The following SAMD5 variants were observed in gnomAD, a reference collection of about 807,000 sequenced individuals.
The protein encoded by SAMD5 is sterile alpha motif domain-containing protein 5.
A neutral mutation model predicts 11.3 loss-of-function variants in SAMD5; 13 were observed. The ratio of observed to expected loss-of-function variants is 1.15; its 90% CI spans 0.75 to 1.83. The LOEUF (loss-of-function observed/expected upper bound fraction) is 1.83. Among genes scored for constraint, SAMD5 ranks in the 40% most tolerant of loss-of-function variants. SAMD5 has a pLI of 0.00. For missense variants in SAMD5, 255 were observed against 239.1 expected, an observed-to-expected ratio of 1.07 and a Z score of -0.44; for synonymous variants, 129 against 111.3, an observed-to-expected ratio of 1.16 and a Z score of -1.00.
In SAMD5 at chr6:147,640,375, T is replaced by C. The variant is rs148561582; in HGVS notation, c.163-96942T>C. Among the ~76,000 whole-genome samples the C allele has an allele frequency of 8.1e-3, 1,225 of 150,604 alleles. 19 individuals are homozygous for C. The highest frequency in any genetic ancestry group is 0.028 in the African/African-American group (1,162 of 41,012). Reference sequence around the variant, plus strand: ...TGCCGGGTGTGGTGGTGTACACCTGTAATCCCAGCTACTCCGGAGGCTGAG... The same window carrying C: ...TGCCGGGTGTGGTGGTGTACACCTGCAATCCCAGCTACTCCGGAGGCTGAG... On this transcript the variant is annotated intron_variant, in intron 1 of 1. Coordinates refer to the SAMD5 transcript ENST00000566741.
At position 147,600,527 on chromosome 6, in the gene SAMD5, A is replaced by C. The variant is rs185679920; in HGVS notation, c.162+91140A>C. The stretch of plus-strand genomic sequence containing the variant: ...CCTCCCACCCTCCTGTCTAGTCCAC[A>C]GGGTTCCCTGATCTCAGATTTGTCT... On this transcript the variant is annotated intron_variant, in intron 1 of 1. Coordinates refer to the SAMD5 transcript ENST00000566741. 1.1e-3 allele frequency among the ~76,000 whole-genome samples: 172 copies of C among 152,342 alleles called. 1 individual carries two copies. Among genetic ancestry groups the C allele is most frequent in the African/African-American group, 4.1e-3 (172 of 41,592 alleles).
At chr6:147,543,424 TAAAAAC>T (rs887540750) in intron 1 of SAMD5, among the ~76,000 whole-genome samples, 48 of 152,310 alleles carry the variant, frequency 3.2e-4, no homozygotes, top group African/African-American at 1.1e-3. Flanking sequence ...AAATTTAAAT[TAAAAAC>T]AATTTACTAT....
intron 1 of SAMD5, among the ~76,000 whole-genome samples, chr6:147,531,042 T>G (rs1297614256): frequency 6.6e-6 from 1 of 152,198 alleles, no homozygotes; most frequent in Non-Finnish European, 1.5e-5. Context: ...CCTTTTTCTC[T>G]TTACTGTAAA....
rs944479424 is a variant in SAMD5, at chr6:147,566,916, G to C, written c.*2460G>C. On this transcript the variant is annotated 3_prime_UTR_variant, in exon 2 of 2. Coordinates refer to ENST00000367474, the MANE Select transcript of SAMD5 (RefSeq NM_001030060.3). ...TCTTAGAAGGAGTAATTTTTTCAGC[G>C]TTTTTCCTCTGTATCTAAACACCAA... 6 of 930,136 alleles carry C rather than the reference G, an allele frequency of 6.5e-6. No individual in the cohort carries two copies. The highest frequency in any genetic ancestry group is 9.9e-5 in the South Asian group (2 of 20,154). 57.6% of individuals were successfully genotyped at this position (930,136 alleles called of 1,614,324 possible).
At chr6:147,527,605 T>C (rs1292134751) in intron 1 of SAMD5, among the ~76,000 whole-genome samples, 2 of 152,060 alleles carry the variant, frequency 1.3e-5, no homozygotes, top group South Asian at 2.1e-4. Flanking sequence ...TCTCATGTCC[T>C]TCTCACATTT....
intron 1 of SAMD5, among the ~76,000 whole-genome samples, chr6:147,548,105 G>GA (rs1424171364): frequency 4.0e-5 from 6 of 149,018 alleles, no homozygotes; most frequent in Admixed American, 1.3e-4. Context: ...AGTTCAACAA[G>GA]AAAAAATATA....
the SAMD5 span, among the ~76,000 whole-genome samples, chr6:147,746,965 C>T: frequency 6.6e-6 from 1 of 151,618 alleles, no homozygotes; most frequent in African/African-American, 2.4e-5. Flanking sequence ...GTAACACACC[C>T]CCTCAATCTA....
At chr6:147,554,843 A>G (rs1788829066) in intron 1 of SAMD5, among the ~76,000 whole-genome samples, 1 of 152,202 alleles carries the variant, frequency 6.6e-6, no homozygotes, top group Admixed American at 6.5e-5. Context: ...TCTTGTATCC[A>G]GAAGTGGTAT....
rs11963065 is a variant in SAMD5, at chr6:147,526,610, T to C, written c.459+17223T>C. On this transcript the variant is annotated intron_variant, in intron 1 of 1. Transcript: ENST00000367474. ...AGGATTTTACTAGGCAGAGCCACAG[T>C]GTGGACTGTATACTGGAAGCTAAGG... Among the ~76,000 whole-genome samples, 1,324 of 152,332 alleles carry C rather than the reference T, an allele frequency of 8.7e-3. 20 individuals carry two copies. The highest frequency in any genetic ancestry group is 0.03 in the African/African-American group (1,236 of 41,580).
At chr6:147,625,340 G>C (rs1188968230) in intron 1 of SAMD5, among the ~76,000 whole-genome samples, 1 of 152,128 alleles carries the variant, frequency 6.6e-6, no homozygotes, top group Non-Finnish European at 1.5e-5. Context: ...CAGTATTAGT[G>C]CCAGGAGGGA....
At chr6:147,669,937 T>A (rs1003894585) in intron 1 of SAMD5, among the ~76,000 whole-genome samples, 78 of 152,262 alleles carry the variant, frequency 5.1e-4, no homozygotes, top group African/African-American at 1.9e-3. Flanking sequence ...TTCCAAAAGG[T>A]TTCAATTTAC....
At chr6:147,822,964 A>G in the SAMD5 span, among the ~76,000 whole-genome samples, 1 of 147,920 alleles carries the variant, frequency 6.8e-6, no homozygotes, top group Non-Finnish European at 1.5e-5. Context: ...ACAGGTGCCC[A>G]CCACTGCACC....
intron 1 of SAMD5, among the ~76,000 whole-genome samples, chr6:147,586,397 T>C (rs769205200): frequency 5.9e-5 from 9 of 152,114 alleles, no homozygotes; most frequent in Admixed American, 3.3e-4. Flanking sequence ...TCTTACGAAA[T>C]TTTACCCTTA....
the SAMD5 span, among the ~76,000 whole-genome samples, chr6:147,807,495 A>G: frequency 6.6e-6 from 1 of 152,204 alleles, no homozygotes; most frequent in Admixed American, 6.5e-5. Flanking sequence ...AAATGAGAAA[A>G]ACAAGACTCA....
the SAMD5 span, among the ~76,000 whole-genome samples, chr6:147,818,052 A>G: frequency 7.8e-3 from 1,192 of 152,358 alleles, 18 homozygotes; most frequent in Middle Eastern, 0.041. Flanking sequence ...CACTACTTCT[A>G]GTGCATATCA....
At chr6:147,601,897 C>A (rs78250562) in intron 1 of SAMD5, among the ~76,000 whole-genome samples, 3 of 152,116 alleles carry the variant, frequency 2.0e-5, no homozygotes, top group African/African-American at 7.2e-5. Context: ...GTTCATATTT[C>A]GTGAAAGCTA....
In SAMD5 at chr6:147,592,756, G is replaced by A. The variant is rs114857346; in HGVS notation, c.162+83369G>A. 3.7e-3 allele frequency among the ~76,000 whole-genome samples: 561 copies of A among 152,176 alleles called. 3 individuals are homozygous for A. The highest frequency in any genetic ancestry group is 0.013 in the African/African-American group (537 of 41,540). On this transcript the variant is annotated intron_variant, in intron 1 of 1. Coordinates refer to the SAMD5 transcript ENST00000566741. ...AATACCCATATTGAAAGGATGCATGGAGAATGTGTGAGAGAACATATGTTA... is the reference window on the plus strand; with the variant it reads ...AATACCCATATTGAAAGGATGCATGAAGAATGTGTGAGAGAACATATGTTA...
the SAMD5 span, among the ~76,000 whole-genome samples, chr6:147,887,644 G>A: frequency 3.3e-5 from 5 of 152,334 alleles, no homozygotes; most frequent in South Asian, 1.0e-3. Context: ...ACATTCATGT[G>A]CAAGTCTTTG....
At chr6:147,787,357 A>C in the SAMD5 span, among the ~76,000 whole-genome samples, 4 of 152,322 alleles carry the variant, frequency 2.6e-5, no homozygotes, top group East Asian at 1.9e-4. Context: ...AGTCACGGAG[A>C]GTTTTAAAAA....
Sources: gnomAD v4.1 joint callset for allele counts (sites outside exome capture counted in the v4.1 genomes callset) on GRCh38, gnomAD v4.1.1 for gene constraint, MANE v1.5 for transcripts, NCBI Gene and HGNC (gene_info 2026-07-23, HGNC 2026-07-21) for gene names.